The following CYP19A1 variants were observed in gnomAD, a reference collection of about 807,000 sequenced individuals.
CYP19A1 encodes aromatase.
CYP19A1 carries 32 observed loss-of-function variants against 44.4 expected under a neutral mutation model. The ratio of observed to expected loss-of-function variants is 0.72; its 90% confidence interval spans 0.54 to 0.97. The LOEUF (loss-of-function observed/expected upper bound fraction) is 0.97. CYP19A1 is among the 50% of genes least tolerant of loss of function. The pLI is 0.00. For synonymous variants in CYP19A1, 212 were observed against 215.6 expected (o/e 0.98, Z 0.14); for missense variants, 598 against 637.8 (o/e 0.94, Z 0.67).
chr15:51,219,278 C>T (rs970710557), intron 5 of CYP19A1, among the ~76,000 whole-genome samples: 5 of 152,108 alleles, frequency 3.3e-5, no homozygotes, highest in African/African-American at 9.7e-5. Context: ...TGTCCTAAGC[C>T]TCACATACAA....
intron 1 of CYP19A1, among the ~76,000 whole-genome samples, chr15:51,319,685 A>G (rs562137234): frequency 6.6e-6 from 1 of 152,356 alleles, no homozygotes; most frequent in East Asian, 1.9e-4. Flanking sequence ...GGGCTTATGC[A>G]TCCTTCTAGG....
chr15:51,315,319 G>A (rs569612748), intron 1 of CYP19A1, among the ~76,000 whole-genome samples: 6 of 152,246 alleles, frequency 3.9e-5, no homozygotes, highest in South Asian at 2.1e-4. Context: ...CCCTCATGGT[G>A]CATGCTTAGC....
chr15:51,216,313 A>G (rs186675484), intron 6 of CYP19A1, among the ~76,000 whole-genome samples: 2 of 152,206 alleles, frequency 1.3e-5, no homozygotes, highest in Non-Finnish European at 2.9e-5. Flanking sequence ...GTGCAGTGGC[A>G]TGATCTCAGC....
intron 2 of CYP19A1, among the ~76,000 whole-genome samples, chr15:51,237,950 G>A (rs1262208628): frequency 6.6e-6 from 1 of 152,198 alleles, no homozygotes; most frequent in East Asian, 1.9e-4. Context: ...TCATTCTGAA[G>A]CCAAAACATG....
At chr15:51,229,538 C>A (rs559238134) in intron 3 of CYP19A1, among the ~76,000 whole-genome samples, 1 of 152,054 alleles carries the variant, frequency 6.6e-6, no homozygotes, top group East Asian at 1.9e-4. Flanking sequence ...AAGTTTTGGA[C>A]ATGTTTGCCT....
chr15:51,286,849 G>A (rs1276620309), intron 1 of CYP19A1, among the ~76,000 whole-genome samples: 3 of 152,228 alleles, frequency 2.0e-5, no homozygotes, highest in Non-Finnish European at 2.9e-5. Context: ...CAGGTGAGAA[G>A]TTGACCCCTG....
intron 1 of CYP19A1, among the ~76,000 whole-genome samples, chr15:51,245,278 G>A (rs574890587): frequency 2.6e-5 from 4 of 152,282 alleles, no homozygotes; most frequent in African/African-American, 9.6e-5. Context: ...ATGTCATAAA[G>A]ATCCCCGACA....
intron 1 of CYP19A1, among the ~76,000 whole-genome samples, chr15:51,336,962 T>C (rs910196977): frequency 1.3e-5 from 2 of 151,866 alleles, no homozygotes; most frequent in Admixed American, 1.3e-4. Context: ...CTGTGAAGTA[T>C]CAGGCAGGGC....
At chr15:51,268,511 C>T (rs1371232282) in intron 1 of CYP19A1, among the ~76,000 whole-genome samples, 2 of 114,434 alleles carry the variant, frequency 1.7e-5, no homozygotes, top group Non-Finnish European at 3.7e-5. Context: ...GCATTTCCAT[C>T]GTTTCCTTCC....
At chr15:51,284,490 G>A (rs2035633432) in intron 1 of CYP19A1, among the ~76,000 whole-genome samples, 1 of 152,150 alleles carries the variant, frequency 6.6e-6, no homozygotes, top group Admixed American at 6.5e-5. Context: ...ACCTATTCCT[G>A]TCAATTTATG....
chr15:51,224,107 A>G (rs12439137), intron 4 of CYP19A1, among the ~76,000 whole-genome samples: 15,644 of 152,184 alleles, frequency 0.1, 974 homozygotes, highest in Admixed American at 0.19. Context: ...ATATGGACAC[A>G]TTTCTCGGCA....
At chr15:51,262,918 G>A (rs548054722) in intron 1 of CYP19A1, among the ~76,000 whole-genome samples, 6 of 152,120 alleles carry the variant, frequency 3.9e-5, no homozygotes, top group Admixed American at 6.5e-5. Flanking sequence ...GTCTAGGAGG[G>A]GAGACAAGCA....
intron 1 of CYP19A1, among the ~76,000 whole-genome samples, chr15:51,333,542 C>T (rs988654134): frequency 6.6e-6 from 1 of 152,198 alleles, no homozygotes; most frequent in Non-Finnish European, 1.5e-5. Flanking sequence ...TTAGGGTCCA[C>T]AGTTTGACCT....
chr15:51,285,875 C>T (rs1015735526), intron 1 of CYP19A1, among the ~76,000 whole-genome samples: 2 of 152,194 alleles, frequency 1.3e-5, no homozygotes, highest in Admixed American at 6.5e-5. Flanking sequence ...TTTGACTCCG[C>T]CAGACTTCGT....
intron 7 of CYP19A1, 41 bp from the exon 8 acceptor site, chr15:51,215,273 C>G: frequency 6.2e-7 from 1 of 1,613,008 alleles, no homozygotes. Flanking sequence ...AAAAGTGAAT[C>G]AAAGTTTCAA....
intron 3 of CYP19A1, among the ~76,000 whole-genome samples, chr15:51,234,437 C>A (rs1196711781): frequency 6.6e-6 from 1 of 152,060 alleles, no homozygotes; most frequent in Non-Finnish European, 1.5e-5. Flanking sequence ...TTAAGACTAG[C>A]GGAGTGGTCA....
intron 1 of CYP19A1, among the ~76,000 whole-genome samples, chr15:51,338,081 C>T (rs1195157466): frequency 6.6e-6 from 1 of 152,130 alleles, no homozygotes; most frequent in African/African-American, 2.4e-5. Context: ...CTAATAGAGC[C>T]TGCCTGGCTC....
intron 1 of CYP19A1, among the ~76,000 whole-genome samples, chr15:51,278,696 G>T (rs532689398): frequency 6.6e-6 from 1 of 152,194 alleles, no homozygotes; most frequent in Non-Finnish European, 1.5e-5. Context: ...TACACCTGGG[G>T]TTCAGGGGGT....
rs2032732938 is a variant in CYP19A1, at chr15:51,227,993, C to T, written c.297-60G>A. On this transcript the variant is annotated intron_variant, in intron 3 of 9. Coordinates refer to ENST00000396402, the MANE Select transcript of CYP19A1 (RefSeq NM_000103.4). ...AGGGTCAGGAGAACTCCTGGTGGTA[C>T]ATTTTGACTAGGAGGTAGCTCTCTT... 1.8e-5 allele frequency: 16 copies of T among 887,980 alleles called. No homozygotes were observed. In the South Asian group the frequency reaches 2.1e-4, roughly 12 times the overall value. The allele number at this position is 887,980 out of a possible 1,614,324, so 55.0% of individuals were successfully genotyped here. A position where few individuals can be genotyped will look rare whatever the true frequency, so the allele number is the denominator to read the frequency against.
Sources: gnomAD v4.1 joint callset for allele counts (sites outside exome capture counted in the v4.1 genomes callset) on GRCh38, gnomAD v4.1.1 for gene constraint, MANE v1.5 for transcripts, NCBI Gene and HGNC (gene_info 2026-07-23, HGNC 2026-07-21) for gene names.